RALGAPA1: variants seen among roughly 807,000 people sequenced by gnomAD.
RALGAPA1 encodes ral GTPase-activating protein subunit alpha-1.
A neutral mutation model predicts 269.6 loss-of-function variants in RALGAPA1; 52 were observed. The observed-to-expected ratio is 0.19, with a 90% CI of 0.15 to 0.24. The LOEUF (loss-of-function observed/expected upper bound fraction) is 0.24. Ranked by LOEUF, RALGAPA1 falls within the 10% of genes least tolerant of loss-of-function variation. RALGAPA1 has a pLI of 1.00. For missense variants in RALGAPA1, 1,917 were observed against 3,013.9 expected (o/e 0.64, Z 8.52); for synonymous variants, 817 against 1,008.3 (o/e 0.81, Z 3.60).
chr14:35,609,023 G>C (rs937093917), intron 35 of RALGAPA1, among the ~76,000 whole-genome samples: 27 of 152,046 alleles, frequency 1.8e-4, no homozygotes, highest in Non-Finnish European at 2.8e-4. Flanking sequence ...TCAGGAGATC[G>C]AGATCATCCT....
intron 27 of RALGAPA1, 35 bp from the exon 28 acceptor site, chr14:35,659,231 T>A (rs1387326083): frequency 2.0e-6 from 3 of 1,507,912 alleles, no homozygotes; most frequent in Non-Finnish European, 2.8e-6. Context: ...CGGCAATGAC[T>A]GAGATTTCAC....
intron 2 of RALGAPA1, among the ~76,000 whole-genome samples, chr14:35,775,431 T>C (rs1409089915): frequency 2.0e-5 from 3 of 152,150 alleles, no homozygotes; most frequent in African/African-American, 4.8e-5. Context: ...CTTCAAGCCA[T>C]TGTAAAGTAA....
intron 37 of RALGAPA1, among the ~76,000 whole-genome samples, chr14:35,576,907 C>A (rs938439556): frequency 6.6e-5 from 10 of 152,298 alleles, no homozygotes; most frequent in Admixed American, 6.5e-5. Flanking sequence ...TATGATTATA[C>A]AATCACTCAT....
chr14:35,782,736 T>C (rs1039508719), intron 1 of RALGAPA1, among the ~76,000 whole-genome samples: 1 of 151,588 alleles, frequency 6.6e-6, no homozygotes, highest in African/African-American at 2.4e-5. Context: ...AATGTACTCT[T>C]TACCAAAATC....
chr14:35,639,079 C>G (rs990300070), intron 31 of RALGAPA1, among the ~76,000 whole-genome samples: 1 of 152,038 alleles, frequency 6.6e-6, no homozygotes, highest in African/African-American at 2.4e-5. Context: ...TATAAAGACA[C>G]ACATATAGTG....
intron 17 of RALGAPA1, among the ~76,000 whole-genome samples, chr14:35,697,330 GTTTTT>G (rs530092895): frequency 1.3e-5 from 2 of 148,724 alleles, no homozygotes; most frequent in South Asian, 2.2e-4. Flanking sequence ...TATAAACAGT[GTTTTT>G]TTTTGTTTTG....
intron 33 of RALGAPA1, among the ~76,000 whole-genome samples, chr14:35,633,642 TA>T (rs1351228796): frequency 6.6e-6 from 1 of 152,142 alleles, no homozygotes; most frequent in Non-Finnish European, 1.5e-5. Context: ...AATAAAATTA[TA>T]AAAACAGGCG....
chr14:35,636,654 G>C (rs1454775719), intron 31 of RALGAPA1, among the ~76,000 whole-genome samples: 2 of 152,106 alleles, frequency 1.3e-5, no homozygotes, highest in Non-Finnish European at 2.9e-5. Flanking sequence ...CTAAGTAACT[G>C]GGATTACAGG....
At chr14:35,637,288 C>T (rs2139774298) in intron 31 of RALGAPA1, among the ~76,000 whole-genome samples, 1 of 152,198 alleles carries the variant, frequency 6.6e-6, no homozygotes, top group South Asian at 2.1e-4. Context: ...TTCAAAACAG[C>T]TGTTTTGAAG....
chr14:35,586,785 C>T (rs1297694051), intron 37 of RALGAPA1, among the ~76,000 whole-genome samples: 1 of 152,140 alleles, frequency 6.6e-6, no homozygotes, highest in East Asian at 1.9e-4. Flanking sequence ...TATGTTGAAC[C>T]AGCCTTGCAT....
At chr14:35,623,223 G>A (rs528297234) in intron 35 of RALGAPA1, among the ~76,000 whole-genome samples, 12 of 151,212 alleles carry the variant, frequency 7.9e-5, no homozygotes, top group South Asian at 2.1e-4. Flanking sequence ...TACATAAAAC[G>A]AAAAAATATG....
intron 39 of RALGAPA1, among the ~76,000 whole-genome samples, chr14:35,570,048 T>A (rs2057049132): frequency 6.7e-6 from 1 of 149,324 alleles, no homozygotes; most frequent in Non-Finnish European, 1.5e-5. Flanking sequence ...GGCGGGCGGA[T>A]CACCCGAGGT....
intron 19 of RALGAPA1, among the ~76,000 whole-genome samples, chr14:35,686,047 A>ATT (rs910425586): frequency 3.9e-5 from 6 of 152,224 alleles, no homozygotes; most frequent in African/African-American, 1.4e-4. Flanking sequence ...GTTAAGCAGT[A>ATT]TTTGTGCTAG....
chr14:35,693,675 C>A (rs887172109), intron 17 of RALGAPA1, among the ~76,000 whole-genome samples: 11 of 151,710 alleles, frequency 7.3e-5, no homozygotes, highest in Non-Finnish European at 1.2e-4. Context: ...ACAATAAAAA[C>A]GTTGTTTTCA....
chr14:35,718,719 G>C (rs1403235101), intron 16 of RALGAPA1, among the ~76,000 whole-genome samples: 3 of 152,074 alleles, frequency 2.0e-5, no homozygotes, highest in African/African-American at 7.2e-5. Flanking sequence ...GGGAGGCTGA[G>C]GCAGGAGAAT....
intron 16 of RALGAPA1, among the ~76,000 whole-genome samples, chr14:35,711,723 C>T (rs1204706089): frequency 6.6e-6 from 1 of 152,122 alleles, no homozygotes; most frequent in Non-Finnish European, 1.5e-5. Context: ...ACTCCAACCA[C>T]CCTGGCCTCC....
At chr14:35,778,616 T>C (rs1273933729) in intron 1 of RALGAPA1, among the ~76,000 whole-genome samples, 1 of 152,234 alleles carries the variant, frequency 6.6e-6, no homozygotes, top group African/African-American at 2.4e-5. Context: ...AAATGTGTTT[T>C]ATTACTAACA....
intron 7 of RALGAPA1, among the ~76,000 whole-genome samples, chr14:35,754,476 C>A (rs1329057439): frequency 1.3e-5 from 2 of 152,088 alleles, no homozygotes; most frequent in Non-Finnish European, 2.9e-5. Context: ...ATTCAACATA[C>A]CATTAGCTGT....
intron 16 of RALGAPA1, chr14:35,716,223 T>TTG (rs2068809329): frequency 3.8e-6 from 1 of 261,840 alleles, no homozygotes; most frequent in Non-Finnish European, 5.9e-6. Flanking sequence ...GTGAAACCCC[T>TTG]TCTCACTAAA....
Sources: gnomAD v4.1 joint callset for allele counts (sites outside exome capture counted in the v4.1 genomes callset) on GRCh38, gnomAD v4.1.1 for gene constraint, MANE v1.5 for transcripts, NCBI Gene and HGNC (gene_info 2026-07-23, HGNC 2026-07-21) for gene names.